Variants in LDB2 observed in about 807,000 individuals in gnomAD.
LDB2 encodes LIM domain binding 2, also known as LIM domain-binding protein 2.
A neutral mutation model predicts 44.3 loss-of-function variants in LDB2; 12 were observed. The observed-to-expected ratio is 0.27, with a 90% confidence interval of 0.17 to 0.44. The LOEUF (loss-of-function observed/expected upper bound fraction) is 0.44. Ranked by LOEUF, LDB2 falls within the 20% of genes least tolerant of loss-of-function variation. The pLI is 1.00. For synonymous variants in LDB2, 164 were observed against 174.8 expected, an observed-to-expected ratio of 0.94 and a Z score of 0.49; for missense variants, 344 against 473.5, an observed-to-expected ratio of 0.73 and a Z score of 2.54.
chr4:16,677,951 G>A (rs1421329224), intron 2 of LDB2, among the ~76,000 whole-genome samples: 2 of 152,148 alleles, frequency 1.3e-5, no homozygotes, highest in African/African-American at 2.4e-5. Flanking sequence ...TACATTGAAG[G>A]GTCTGAGAGA....
At chr4:16,727,907 A>C (rs2152692381) in intron 2 of LDB2, among the ~76,000 whole-genome samples, 1 of 152,294 alleles carries the variant, frequency 6.6e-6, no homozygotes, top group South Asian at 2.1e-4. Flanking sequence ...TTTTACAGAT[A>C]AATAAACTGA....
chr4:16,809,783 T>TATTG lies in LDB2; in HGVS notation c.133-50527_133-50524dup, dbSNP rs535818390. Among the ~76,000 whole-genome samples the TATTG allele has an allele frequency of 3.3e-4, 50 of 152,022 alleles. No homozygotes were observed. In the East Asian group the frequency reaches 7.9e-3, roughly 24 times the overall value. ...TACATGGGACTCGCTGATAAACTGG[T>TATTG]ATTGATTTTCACAGATCATCCTTGT... is the stretch of plus-strand genomic sequence containing the variant. On this transcript the variant is annotated intron_variant, in intron 1 of 7. Transcript: ENST00000304523.
intron 2 of LDB2, among the ~76,000 whole-genome samples, chr4:16,708,253 G>A (rs1352180239): frequency 6.6e-6 from 1 of 152,084 alleles, no homozygotes; most frequent in East Asian, 1.9e-4. Flanking sequence ...GAGATGAAGT[G>A]GGAGAATTGT....
intron 2 of LDB2, among the ~76,000 whole-genome samples, chr4:16,666,104 G>T (rs1743107373): frequency 6.6e-6 from 1 of 152,198 alleles, no homozygotes; most frequent in African/African-American, 2.4e-5. Context: ...GTTTTAAGCA[G>T]CCTGGATTGT....
chr4:16,656,044 C>G (rs1270933245), intron 2 of LDB2, among the ~76,000 whole-genome samples: 1 of 151,730 alleles, frequency 6.6e-6, no homozygotes. Context: ...GGACTACAGG[C>G]GCCTGCCACC....
chr4:16,826,327 C>T (rs113769841), intron 1 of LDB2: 1 of 152,152 alleles, frequency 6.6e-6, no homozygotes, highest in Non-Finnish European at 1.5e-5. Context: ...TATAACCTTC[C>T]AAGTCATATT....
At position 16,586,726 on chromosome 4, in the gene LDB2, T is replaced by A. The variant is rs184552210; in HGVS notation, c.532-721A>T. ...ACCATGGGCCACACCAAATGTTCTG[T>A]TTGGCTAGAAGAAAATGGAAATTCT... On this transcript the variant is annotated intron_variant, in intron 4 of 7. Coordinates refer to ENST00000304523, the MANE Select transcript of LDB2 (RefSeq NM_001290.5). Among the ~76,000 whole-genome samples the A allele has an allele frequency of 6.1e-4, 93 of 152,258 alleles. 1 individual carries two copies. The highest frequency in any genetic ancestry group is 7.4e-5 in the Non-Finnish European group (5 of 68,012).
intron 2 of LDB2, among the ~76,000 whole-genome samples, chr4:16,643,775 T>G (rs1234498309): frequency 6.6e-6 from 1 of 152,114 alleles, no homozygotes; most frequent in East Asian, 1.9e-4. Context: ...AAAAAAACCC[T>G]GCCCAGTAAT....
intron 2 of LDB2, among the ~76,000 whole-genome samples, chr4:16,698,928 G>A (rs1752809636): frequency 6.6e-6 from 1 of 152,144 alleles, no homozygotes; most frequent in African/African-American, 2.4e-5. Flanking sequence ...AGAAAATAAG[G>A]AAAAGTTTTG....
At chr4:16,505,692 G>GAGAC (rs1719132112) in intron 7 of LDB2, 1 of 623,072 alleles carries the variant, frequency 1.6e-6, no homozygotes, top group African/African-American at 1.9e-5. Flanking sequence ...GTGTCCACGA[G>GAGAC]AGACAACAGC....
At chr4:16,707,328 T>C (rs1754824908) in intron 2 of LDB2, among the ~76,000 whole-genome samples, 2 of 152,104 alleles carry the variant, frequency 1.3e-5, no homozygotes, top group South Asian at 4.2e-4. Flanking sequence ...ACAATTCTAA[T>C]ACTGTGCTCT....
intron 5 of LDB2, among the ~76,000 whole-genome samples, chr4:16,531,007 G>C (rs1447409923): frequency 6.6e-6 from 1 of 152,120 alleles, no homozygotes; most frequent in Non-Finnish European, 1.5e-5. Flanking sequence ...GACCATCATT[G>C]GTGTTTTCTA....
chr4:16,764,036 T>C (rs1768610056), intron 1 of LDB2, among the ~76,000 whole-genome samples: 1 of 152,190 alleles, frequency 6.6e-6, no homozygotes, highest in Non-Finnish European at 1.5e-5. Flanking sequence ...AAAGGTAAGC[T>C]ACTCAATAAA....
chr4:16,577,690 T>C (rs544657184), intron 5 of LDB2, among the ~76,000 whole-genome samples: 4 of 152,238 alleles, frequency 2.6e-5, no homozygotes, highest in East Asian at 3.9e-4. Flanking sequence ...AAAATACCAA[T>C]GACATTCTTC....
intron 1 of LDB2, among the ~76,000 whole-genome samples, chr4:16,878,226 A>T (rs115342026): frequency 6.6e-6 from 1 of 152,166 alleles, no homozygotes; most frequent in African/African-American, 2.4e-5. Flanking sequence ...GCAATTTCCA[A>T]TGGATTCTGG....
At chr4:16,665,652 T>C (rs1241957362) in intron 2 of LDB2, among the ~76,000 whole-genome samples, 1 of 152,126 alleles carries the variant, frequency 6.6e-6, no homozygotes, top group East Asian at 1.9e-4. Context: ...AGAAAAGTTA[T>C]GGCTAGCATT....
chr4:16,540,014 A>C (rs1733210789), intron 5 of LDB2, among the ~76,000 whole-genome samples: 1 of 152,190 alleles, frequency 6.6e-6, no homozygotes, highest in Admixed American at 6.5e-5. Flanking sequence ...GAAACTTATA[A>C]TCATGGCAGA....
chr4:16,673,261 G>A (rs17491802), intron 2 of LDB2, among the ~76,000 whole-genome samples: 4,863 of 152,248 alleles, frequency 0.032, 129 homozygotes, highest in Admixed American at 0.08. Flanking sequence ...TCTTACCTTC[G>A]AGGGTTTCCA....
At position 16,829,833 on chromosome 4, in the gene LDB2, G is replaced by A. The variant is rs142625078; in HGVS notation, c.132+68521C>T. ...CTCGAAAAACACACACAGGCCGGGT[G>A]CGGTGGCTCACGCCTGTAATCCCAG... On this transcript the variant is annotated intron_variant, in intron 1 of 7. Transcript: ENST00000304523. Among the ~76,000 whole-genome samples, 420 of 152,254 alleles carry A rather than the reference G, an allele frequency of 2.8e-3. 5 individuals carry two copies. The East Asian group carries it at 0.036, about 13-fold the overall frequency.
Sources: gnomAD v4.1 joint callset for allele counts (sites outside exome capture counted in the v4.1 genomes callset) on GRCh38, gnomAD v4.1.1 for gene constraint, MANE v1.5 for transcripts, NCBI Gene and HGNC (gene_info 2026-07-23, HGNC 2026-07-21) for gene names.